Variants in SLC28A3 observed in about 807,000 individuals in gnomAD.
SLC28A3 encodes the protein concentrative Na(+)-nucleoside cotransporter 3.
Under a neutral mutation model 84.2 loss-of-function variants are expected in SLC28A3, and 68 were observed. The ratio of observed to expected loss-of-function variants is 0.81; its 90% CI spans 0.66 to 0.99. The LOEUF (loss-of-function observed/expected upper bound fraction) is 0.99, where lower values mean the gene tolerates loss of function less well. Ranked by LOEUF, SLC28A3 falls within the 50% of genes least tolerant of loss-of-function variation. SLC28A3 has a pLI of 0.00. For synonymous variants in SLC28A3, 267 were observed against 303.6 expected (o/e 0.88, Z 1.25); for missense variants, 712 against 841.5 (o/e 0.85, Z 1.90).
the SLC28A3 span, among the ~76,000 whole-genome samples, chr9:84,358,358 C>T: frequency 6.6e-6 from 1 of 152,014 alleles, no homozygotes; most frequent in East Asian, 1.9e-4. Flanking sequence ...CACTTAACAC[C>T]CTCCCCCAAC....
At chr9:84,321,254 A>G (rs964105793) in intron 1 of SLC28A3, among the ~76,000 whole-genome samples, 2 of 152,032 alleles carry the variant, frequency 1.3e-5, no homozygotes, top group African/African-American at 4.8e-5. Context: ...TCTTACTCTC[A>G]TTTGCTTCTT....
intron 9 of SLC28A3, among the ~76,000 whole-genome samples, chr9:84,293,046 A>G (rs1295795498): frequency 6.6e-6 from 1 of 152,232 alleles, no homozygotes; most frequent in East Asian, 1.9e-4. Context: ...TGCTTATGGA[A>G]GGCTTTACTG....
chr9:84,366,881 C>T, the SLC28A3 span, among the ~76,000 whole-genome samples: 1 of 152,190 alleles, frequency 6.6e-6, no homozygotes, highest in Non-Finnish European at 1.5e-5. Flanking sequence ...CTTCTGTAAC[C>T]ACTTCCTGGC....
chr9:84,342,114 T>C (rs1285091836), upstream of SLC28A3, among the ~76,000 whole-genome samples: 9 of 120,866 alleles, frequency 7.4e-5, no homozygotes, highest in Non-Finnish European at 1.1e-4. Flanking sequence ...GATGACAGAG[T>C]GAGACCCTGT....
At chr9:84,282,848 A>G (rs565762273) in intron 14 of SLC28A3, among the ~76,000 whole-genome samples, 1 of 152,334 alleles carries the variant, frequency 6.6e-6, no homozygotes, top group East Asian at 1.9e-4. Context: ...TGGCCATGGT[A>G]AGATTTTTGT....
At chr9:84,353,896 T>C in the SLC28A3 span, among the ~76,000 whole-genome samples, 1 of 152,216 alleles carries the variant, frequency 6.6e-6, no homozygotes, top group Admixed American at 6.5e-5. Context: ...TCAAAACTTA[T>C]CAAAACCAAT....
At chr9:84,328,114 C>A in intron 1 of SLC28A3, among the ~76,000 whole-genome samples, 1 of 136,232 alleles carries the variant, frequency 7.3e-6, no homozygotes. Context: ...TAGAAAATAT[C>A]TATTTAACAC....
chr9:84,319,925 C>T (rs186622663), intron 1 of SLC28A3, among the ~76,000 whole-genome samples: 24 of 152,016 alleles, frequency 1.6e-4, no homozygotes, highest in African/African-American at 5.5e-4. Flanking sequence ...CTAATATTTG[C>T]ACCTTTATTA....
chr9:84,309,863 C>G, intron 2 of SLC28A3, 149 bp from the exon 3 acceptor site: 1 of 616,418 alleles, frequency 1.6e-6, no homozygotes, highest in Non-Finnish European at 2.8e-6. Flanking sequence ...ATCTACTGCA[C>G]AGACATTTTT....
chr9:84,279,407 A>G, intron 16 of SLC28A3, 22 bp from the exon 17 acceptor site: 1 of 1,439,410 alleles, frequency 6.9e-7, no homozygotes, highest in Non-Finnish European at 9.1e-7. Flanking sequence ...ACAGAGTCCC[A>G]TTTATTTATT....
At chr9:84,288,466 G>A (rs1014589850) in intron 11 of SLC28A3, among the ~76,000 whole-genome samples, 1 of 152,100 alleles carries the variant, frequency 6.6e-6, no homozygotes, top group Non-Finnish European at 1.5e-5. Context: ...TTAATCCTGT[G>A]TTGTGGAAAC....
chr9:84,288,300 A>G (rs377720638), intron 11 of SLC28A3, 122 bp from the exon 12 acceptor site: 11 of 1,421,902 alleles, frequency 7.7e-6, no homozygotes, highest in African/African-American at 4.3e-5. Flanking sequence ...CCAGAAGACA[A>G]TGTTTCTTTG....
intron 1 of SLC28A3, among the ~76,000 whole-genome samples, chr9:84,335,033 G>A (rs1030307006): frequency 3.3e-5 from 5 of 151,904 alleles, no homozygotes; most frequent in Admixed American, 6.6e-5. Flanking sequence ...CTGTTTCCCA[G>A]GCTTCCCTCA....
intron 16 of SLC28A3, 135 bp downstream of exon 16, chr9:84,279,840 G>T: frequency 1.3e-6 from 1 of 765,514 alleles, no homozygotes; most frequent in Non-Finnish European, 2.1e-6. Flanking sequence ...TAACTTTACA[G>T]TATGCTTAAG....
chr9:84,315,775 T>C (rs11140513), intron 1 of SLC28A3, among the ~76,000 whole-genome samples: 15,040 of 152,266 alleles, frequency 0.099, 808 homozygotes, highest in Admixed American at 0.13. Context: ...TTTCTTCTTC[T>C]TTTTAAATTA....
chr9:84,334,069 C>T (rs2118598905), intron 1 of SLC28A3, among the ~76,000 whole-genome samples: 1 of 152,302 alleles, frequency 6.6e-6, no homozygotes, highest in Non-Finnish European at 1.5e-5. Flanking sequence ...CTTTGGGAGG[C>T]CAAGGCGGGT....
chr9:84,368,569 G>A, the SLC28A3 span, among the ~76,000 whole-genome samples: 1 of 152,048 alleles, frequency 6.6e-6, no homozygotes, highest in African/African-American at 2.4e-5. Flanking sequence ...CTCAGGGTGT[G>A]TCTAGAAATG....
rs752417957 is a variant in SLC28A3 at position 84,302,283 on chromosome 9, C to T, written c.441G>A (p.Leu147=). 6 of 1,614,180 alleles carry T rather than the reference C, an allele frequency of 3.7e-6. No homozygotes were observed. The highest frequency in any genetic ancestry group is 5.1e-6 in the Non-Finnish European group (6 of 1,180,018). Residue 147 remains leucine, a synonymous_variant, in exon 5 of 18, where the codon CTG becomes CTA. Coordinates refer to ENST00000376238, the MANE Select transcript of SLC28A3 (RefSeq NM_001199633.2). ...CAATTCGATGTTCGTATTTGGCCAT[C>T]AGGTGATCCCAGACAACAAAGAAGA... is the stretch of plus-strand genomic sequence containing the variant. ...AAIFFVVWDH[L]MAKYEHRIDE...
chr9:84,306,123 T>C (rs1315242848), intron 3 of SLC28A3, among the ~76,000 whole-genome samples: 1 of 152,158 alleles, frequency 6.6e-6, no homozygotes, highest in African/African-American at 2.4e-5. Flanking sequence ...TTCTCGTTCC[T>C]GTGTGATGCC....
Sources: allele counts gnomAD v4.1 joint callset (sites outside exome capture counted in the v4.1 genomes callset), GRCh38; gene constraint gnomAD v4.1.1; transcripts MANE v1.5; gene names NCBI Gene and HGNC (gene_info 2026-07-23, HGNC 2026-07-21).